The following F13A1 variants were observed in gnomAD, a reference collection of about 807,000 sequenced individuals.
The protein encoded by F13A1 is FSF, A subunit.
In F13A1, 47 loss-of-function variants were observed where a neutral mutation model predicts 80.1. That is an observed-to-expected ratio of 0.59 (90% CI 0.46 to 0.75). The LOEUF (loss-of-function observed/expected upper bound fraction) is 0.75. F13A1 is among the 30% of genes least tolerant of loss of function. The pLI is 0.00. For synonymous variants in F13A1, 349 were observed against 344.9 expected, an observed-to-expected ratio of 1.01 and a Z score of -0.13; for missense variants, 817 against 930.4, an observed-to-expected ratio of 0.88 and a Z score of 1.59.
intron 3 of F13A1, among the ~76,000 whole-genome samples, chr6:6,289,970 C>G (rs1758201583): frequency 6.6e-6 from 1 of 152,118 alleles, no homozygotes; most frequent in South Asian, 2.1e-4. Context: ...GCATTTTGTT[C>G]AAAAGGTTGG....
Position 6,263,513 on chromosome 6 carries a change from TTG to T in F13A1, c.571+3043_571+3044del, listed in dbSNP as rs547743150. On this transcript the variant is annotated intron_variant, in intron 4 of 14. Transcript: ENST00000264870. ...ACTTCTCCTTTGTCTCAACTCTTAA[TTG>T]TTAATGACCCTGAATCATTTGTGTC... 1.4e-3 allele frequency among the ~76,000 whole-genome samples: 213 copies of T among 152,306 alleles called. 2 individuals carry two copies. The highest frequency in any genetic ancestry group is 4.9e-3 in the African/African-American group (203 of 41,552).
At position 6,299,729 on chromosome 6, in the gene F13A1, G is replaced by GA. The variant is rs1758390988; in HGVS notation, c.319+5621dup. Among the ~76,000 whole-genome samples the GA allele has an allele frequency of 2.7e-5, 4 of 146,342 alleles. 1 individual carries two copies. Among genetic ancestry groups the GA allele is most frequent in the Admixed American group, 2.7e-4 (4 of 14,900 alleles). On this transcript the variant is annotated intron_variant, in intron 3 of 14. Coordinates refer to ENST00000264870, the MANE Select transcript of F13A1 (RefSeq NM_000129.4). ...GTAGCTCAGAGTAATTTGATCGTCT[G>GA]AAGCCTTCTTCTCTCAGCTCGTCAA...
At chr6:6,171,450 A>C (rs1760771308) in intron 12 of F13A1, among the ~76,000 whole-genome samples, 1 of 152,096 alleles carries the variant, frequency 6.6e-6, no homozygotes, top group Non-Finnish European at 1.5e-5. Context: ...TCCTTCTCTC[A>C]CACCACATAT....
At position 6,250,977 on chromosome 6, in the gene F13A1, C is replaced by T. The variant is rs1757624823; in HGVS notation, c.572-48G>A. The T allele has an allele frequency of 7.4e-7, 1 of 1,347,998 alleles. No homozygotes were observed. 83.5% of individuals were successfully genotyped at this position (1,347,998 alleles called of 1,614,324 possible). ...TGACTATTACCAAACCAGACTGTTT[C>T]CAAACACTTGCAAGTTTATGCAAGT... On this transcript the variant is annotated intron_variant, in intron 4 of 14. Transcript: ENST00000264870. This position sits in a 1 kb window ranked among gnomAD's most constrained non-coding sequence, Gnocchi z 4.2.
At chr6:6,149,231 A>AGAAAT (rs1760332045) in intron 14 of F13A1, among the ~76,000 whole-genome samples, 1 of 152,224 alleles carries the variant, frequency 6.6e-6, no homozygotes, top group Non-Finnish European at 1.5e-5. Context: ...CTCACCACAA[A>AGAAAT]GAAATGATAA....
intron 3 of F13A1, among the ~76,000 whole-genome samples, chr6:6,280,904 TAA>T (rs1433635249): frequency 6.6e-6 from 1 of 152,224 alleles, no homozygotes; most frequent in Non-Finnish European, 1.5e-5. Context: ...GAATTTCTTC[TAA>T]AACATCTGCC....
chr6:6,252,049 T>C (rs1357518559), intron 4 of F13A1, among the ~76,000 whole-genome samples: 1 of 151,500 alleles, frequency 6.6e-6, no homozygotes, highest in Non-Finnish European at 1.5e-5. Flanking sequence ...AATGCCACAG[T>C]GGTTAAAAAA....
chr6:6,302,703 TA>T (rs3024348), intron 3 of F13A1, among the ~76,000 whole-genome samples: 1 of 151,756 alleles, frequency 6.6e-6, no homozygotes, highest in Non-Finnish European at 1.5e-5. Context: ...ACAGTACATT[TA>T]AAAAAATAAG....
intron 7 of F13A1, among the ~76,000 whole-genome samples, chr6:6,224,022 G>GA (rs1185342229): frequency 1.6e-4 from 25 of 152,162 alleles, no homozygotes; most frequent in African/African-American, 5.8e-4. Flanking sequence ...AAATGCCTCT[G>GA]AAAAATGATG....
intron 13 of F13A1, 46 bp from the exon 14 acceptor site, chr6:6,151,995 C>G: frequency 6.2e-7 from 1 of 1,610,124 alleles, no homozygotes; most frequent in Non-Finnish European, 8.5e-7. Flanking sequence ...AAACCTCGTT[C>G]TGCTCTCTTG....
At chr6:6,297,778 G>C (rs1248395348) in intron 3 of F13A1, among the ~76,000 whole-genome samples, 1 of 149,168 alleles carries the variant, frequency 6.7e-6, no homozygotes, top group Non-Finnish European at 1.5e-5. Context: ...GTTATTTCTT[G>C]CCTTCTGCTA....
rs535641521 is a variant in F13A1 at position 6,318,590 on chromosome 6, A to G, written c.75T>C (p.Asp25=). ...VPPNNSNAAE[D]DLPTVELQGV... is the part of the protein sequence containing the mutation. The stretch of plus-strand genomic sequence containing the variant: ...CCTGAAGCTCCACTGTGGGCAGGTC[A>G]TCTTCCGCTGCATTAGAGTTATTGG... The change falls in exon 2 of 15, where the codon GAT becomes GAC. Residue 25 remains aspartate, a synonymous_variant. Coordinates refer to ENST00000264870, the MANE Select transcript of F13A1 (RefSeq NM_000129.4). 1.9e-6 allele frequency: 3 copies of G among 1,613,814 alleles called. No homozygotes were observed. The highest frequency in any genetic ancestry group is 1.3e-5 in the African/African-American group (1 of 74,922).
intron 3 of F13A1, among the ~76,000 whole-genome samples, chr6:6,296,746 C>T (rs1267844): frequency 0.98 from 132,087 of 135,040 alleles, 64,594 homozygotes; most frequent in East Asian, 1. Flanking sequence ...ATTTCCTTCT[C>T]CTGCCTAATT....
chr6:6,199,485 T>C (rs1183564946), intron 8 of F13A1, among the ~76,000 whole-genome samples: 1 of 140,724 alleles, frequency 7.1e-6, no homozygotes, highest in Non-Finnish European at 1.5e-5. Flanking sequence ...AGAGCGAGAC[T>C]CCATCTCAGA....
intron 13 of F13A1, among the ~76,000 whole-genome samples, chr6:6,152,758 G>C (rs1255839911): frequency 6.6e-6 from 1 of 152,152 alleles, no homozygotes. Context: ...TTTACTGTAT[G>C]CCACACACTT....
At chr6:6,200,408 G>A (rs1386768772) in intron 8 of F13A1, among the ~76,000 whole-genome samples, 2 of 152,006 alleles carry the variant, frequency 1.3e-5, no homozygotes, top group Admixed American at 1.3e-4. Flanking sequence ...CTCTATTAAA[G>A]TTAAAGAAGT....
Position 6,278,679 on chromosome 6 carries a change from C to T in F13A1, c.320-11870G>A, listed in dbSNP as rs114899692. 6.1e-3 allele frequency among the ~76,000 whole-genome samples: 911 copies of T among 149,974 alleles called. 10 individuals are homozygous for T. Among genetic ancestry groups the T allele is most frequent in the African/African-American group, 0.021 (845 of 40,750 alleles). On this transcript the variant is annotated intron_variant, in intron 3 of 14. Coordinates refer to ENST00000264870, the MANE Select transcript of F13A1 (RefSeq NM_000129.4). ...ACAGAGGGAATTGGGGGAGATTAGA[C>T]GCCTGGAGCAGAGGGAATTGTGGGA...
chr6:6,217,416 A>G (rs1296502838), intron 8 of F13A1, among the ~76,000 whole-genome samples: 2 of 151,452 alleles, frequency 1.3e-5, no homozygotes, highest in Non-Finnish European at 2.9e-5. Context: ...TTCTCAGTAA[A>G]CTATCACAAG....
At chr6:6,320,065 G>T (rs1479072985) in intron 1 of F13A1, among the ~76,000 whole-genome samples, 1 of 152,212 alleles carries the variant, frequency 6.6e-6, no homozygotes, top group African/African-American at 2.4e-5. Flanking sequence ...ACGCCTGGCT[G>T]GGTGAGTGCG....
Sources: gnomAD v4.1 joint callset for allele counts (sites outside exome capture counted in the v4.1 genomes callset) on GRCh38, gnomAD v4.1.1 for gene constraint, Gnocchi (gnomAD v3.1) non-coding constraint, MANE v1.5 for transcripts, NCBI Gene and HGNC (gene_info 2026-07-23, HGNC 2026-07-21) for gene names.